THSD7B: variants seen among roughly 807,000 people sequenced by gnomAD.
THSD7B encodes the protein thrombospondin type-1 domain-containing protein 7B.
Under a neutral mutation model 213.6 loss-of-function variants are expected in THSD7B, and 138 were observed. The ratio of observed to expected loss-of-function variants is 0.65; its 90% confidence interval spans 0.56 to 0.74. The LOEUF (loss-of-function observed/expected upper bound fraction) is 0.74, where lower values mean the gene tolerates loss of function less well. Ranked by LOEUF, THSD7B falls within the 30% of genes least tolerant of loss-of-function variation. THSD7B has a pLI of 0.00. For synonymous variants in THSD7B, 742 were observed against 687.0 expected, an observed-to-expected ratio of 1.08 and a Z score of -1.25; for missense variants, 1,931 against 1,991.5, an observed-to-expected ratio of 0.97 and a Z score of 0.58.
At chr2:136,920,692 C>T (rs971101238) in intron 2 of THSD7B, among the ~76,000 whole-genome samples, 2 of 152,172 alleles carry the variant, frequency 1.3e-5, no homozygotes, top group African/African-American at 2.4e-5. Context: ...ACCTAGGACC[C>T]TGTCTGCCTT....
At chr2:137,492,110 A>G (rs1194975235) in intron 15 of THSD7B, among the ~76,000 whole-genome samples, 4 of 152,104 alleles carry the variant, frequency 2.6e-5, no homozygotes, top group African/African-American at 9.7e-5. Flanking sequence ...TTTACATTTA[A>G]CCCTGAACTC....
At chr2:137,640,842 C>T (rs550280519) in intron 20 of THSD7B, among the ~76,000 whole-genome samples, 1 of 152,262 alleles carries the variant, frequency 6.6e-6, no homozygotes, top group East Asian at 1.9e-4. Flanking sequence ...AGTCCACTTA[C>T]TTAATGTCTG....
At chr2:137,518,138 A>G (rs1273130795) in intron 15 of THSD7B, among the ~76,000 whole-genome samples, 1 of 152,092 alleles carries the variant, frequency 6.6e-6, no homozygotes, top group African/African-American at 2.4e-5. Context: ...AAGTGGCTGA[A>G]ATGCCCATGG....
intron 12 of THSD7B, among the ~76,000 whole-genome samples, chr2:137,398,767 C>G (rs1486072855): frequency 6.6e-6 from 1 of 152,226 alleles, no homozygotes; most frequent in East Asian, 1.9e-4. Context: ...CCCAGCCTCG[C>G]TGCTGCCTTG....
chr2:137,395,594 T>C (rs1446347101), intron 12 of THSD7B, among the ~76,000 whole-genome samples: 1 of 152,236 alleles, frequency 6.6e-6, no homozygotes, highest in Non-Finnish European at 1.5e-5. Context: ...TTTGCATCAA[T>C]GTTCTTCAAG....
intron 12 of THSD7B, among the ~76,000 whole-genome samples, chr2:137,313,020 G>A (rs1422238433): frequency 3.3e-5 from 5 of 150,480 alleles, no homozygotes; most frequent in Non-Finnish European, 1.5e-5. Flanking sequence ...ATGTCTATTA[G>A]GTCCGCTTGG....
chr2:137,253,639 T>C (rs556654195), intron 10 of THSD7B, among the ~76,000 whole-genome samples: 2 of 152,214 alleles, frequency 1.3e-5, no homozygotes, highest in Non-Finnish European at 2.9e-5. Context: ...AGTTGTTTTA[T>C]AGAAACCAAG....
chr2:137,331,680 C>G (rs1684510035), intron 12 of THSD7B, among the ~76,000 whole-genome samples: 1 of 152,158 alleles, frequency 6.6e-6, no homozygotes, highest in African/African-American at 2.4e-5. Context: ...CGGGGAGGCT[C>G]TGGCCACACA....
chr2:137,247,138 A>G (rs1292582039), intron 10 of THSD7B, among the ~76,000 whole-genome samples: 2 of 152,212 alleles, frequency 1.3e-5, no homozygotes, highest in East Asian at 1.9e-4. Context: ...CACTGCTGCC[A>G]TCATTGTCAT....
chr2:137,088,456 C>T (rs936438974), intron 3 of THSD7B, among the ~76,000 whole-genome samples: 1 of 151,844 alleles, frequency 6.6e-6, no homozygotes, highest in Non-Finnish European at 1.5e-5. Flanking sequence ...ATCCTCATCT[C>T]TCACCTTATA....
At chr2:137,326,221 T>C (rs1228530549) in intron 12 of THSD7B, among the ~76,000 whole-genome samples, 1 of 152,208 alleles carries the variant, frequency 6.6e-6, no homozygotes, top group Non-Finnish European at 1.5e-5. Context: ...GAGGGGTAGA[T>C]ACCCAAAGGA....
At chr2:137,290,110 CTTTTTT>C (rs1244519702) in intron 12 of THSD7B, among the ~76,000 whole-genome samples, 1 of 130,828 alleles carries the variant, frequency 7.6e-6, no homozygotes, top group East Asian at 2.3e-4. Context: ...AAAGAGTTTT[CTTTTTT>C]TTTTTTTTTT....
intron 2 of THSD7B, among the ~76,000 whole-genome samples, chr2:137,004,067 G>A (rs1312680613): frequency 1.3e-5 from 2 of 152,062 alleles, no homozygotes; most frequent in African/African-American, 4.8e-5. Context: ...TGTTGCTTTA[G>A]GGTCTTATTG....
At chr2:137,586,969 A>G (rs1281531563) in intron 17 of THSD7B, among the ~76,000 whole-genome samples, 1 of 152,218 alleles carries the variant, frequency 6.6e-6, no homozygotes. Flanking sequence ...ACTTTCAGGT[A>G]CACCAATCAG....
intron 1 of THSD7B, among the ~76,000 whole-genome samples, chr2:136,846,989 A>G (rs1255930048): frequency 6.6e-6 from 1 of 152,168 alleles, no homozygotes; most frequent in Non-Finnish European, 1.5e-5. Context: ...CAGGAGAAAC[A>G]TTTGAAAAAT....
chr2:137,674,600 T>TAA (rs1018969477), intron 27 of THSD7B, among the ~76,000 whole-genome samples: 15 of 152,242 alleles, frequency 9.9e-5, no homozygotes, highest in Non-Finnish European at 2.2e-4. Flanking sequence ...TTAGTATAGA[T>TAA]AAAGTTAAAT....
chr2:137,382,845 G>A lies in THSD7B; in HGVS notation c.2501-22768G>A, dbSNP rs144463147. Reference sequence around the variant, plus strand: ...CCCTGAGCCTTCACTGTTTAAGGAAGGGTGTCCCCCATTCCCAATGGGACA... The same window carrying A: ...CCCTGAGCCTTCACTGTTTAAGGAAAGGTGTCCCCCATTCCCAATGGGACA... On this transcript the variant is annotated intron_variant, in intron 12 of 27. Transcript: ENST00000409968. 1.6e-3 allele frequency among the ~76,000 whole-genome samples: 250 copies of A among 152,280 alleles called. 1 individual carries two copies. The East Asian group carries it at 0.026, about 16-fold the overall frequency.
intron 2 of THSD7B, among the ~76,000 whole-genome samples, chr2:136,985,817 T>TA (rs1026130669): frequency 9.1e-4 from 139 of 152,314 alleles, no homozygotes; most frequent in African/African-American, 3.3e-3. Context: ...CTCTAGCTTA[T>TA]GAGAGCAGCC....
intron 2 of THSD7B, among the ~76,000 whole-genome samples, chr2:136,899,818 TGAA>T (rs1293360905): frequency 1.2e-4 from 19 of 152,308 alleles, no homozygotes; most frequent in African/African-American, 4.6e-4. Context: ...ATAATTCAAA[TGAA>T]GTATAAGTTC....
Sources: allele counts gnomAD v4.1 joint callset (sites outside exome capture counted in the v4.1 genomes callset), GRCh38; gene constraint gnomAD v4.1.1; transcripts MANE v1.5; gene names NCBI Gene and HGNC (gene_info 2026-07-23, HGNC 2026-07-21).